The following RIN2 variants were observed in gnomAD, a reference collection of about 807,000 sequenced individuals.
RIN2 encodes the protein Ras and Rab interactor 2.
In RIN2, 36 loss-of-function variants were observed where a neutral mutation model predicts 78.0. That is an observed-to-expected ratio of 0.46 (90% CI 0.35 to 0.61). The LOEUF is 0.61. RIN2 is among the 20% of genes least tolerant of loss of function. The pLI, the probability that RIN2 is intolerant of heterozygous loss-of-function variation, is 0.00. For missense variants in RIN2, 1,087 were observed against 1,159.7 expected (o/e 0.94, Z 0.91); for synonymous variants, 466 against 466.8 (o/e 1.00, Z 0.02).
chr20:19,935,357 A>G (rs2040596911), intron 4 of RIN2, 158 bp downstream of exon 4: 1 of 1,283,582 alleles, frequency 7.8e-7, no homozygotes, highest in South Asian at 2.0e-5. Context: ...GGAGTGGCCT[A>G]GGAACTAGTT....
At chr20:19,940,066 G>A (rs914361602) in intron 4 of RIN2, among the ~76,000 whole-genome samples, 1 of 152,098 alleles carries the variant, frequency 6.6e-6, no homozygotes, top group African/African-American at 2.4e-5. Context: ...TGCCCAGGCT[G>A]GTCTTTAACT....
chr20:19,793,530 G>A (rs747166581), intron 1 of RIN2, among the ~76,000 whole-genome samples: 2 of 152,178 alleles, frequency 1.3e-5, no homozygotes, highest in African/African-American at 4.8e-5. Context: ...AAGGAAAAAG[G>A]GAGGGAGAAA....
chr20:19,833,713 C>T (rs2036320343), intron 2 of RIN2, among the ~76,000 whole-genome samples: 1 of 152,210 alleles, frequency 6.6e-6, no homozygotes, highest in Admixed American at 6.5e-5. Context: ...GCTGGTGCCC[C>T]ACCGTGTTAG....
At chr20:19,921,474 C>T (rs959424887) in intron 3 of RIN2, among the ~76,000 whole-genome samples, 2 of 152,114 alleles carry the variant, frequency 1.3e-5, no homozygotes, top group African/African-American at 4.8e-5. Context: ...AAGAGGAAGG[C>T]GGAGAGGGAA....
intron 3 of RIN2, among the ~76,000 whole-genome samples, chr20:19,933,894 C>T (rs1453411190): frequency 6.6e-6 from 1 of 152,138 alleles, no homozygotes; most frequent in Non-Finnish European, 1.5e-5. Flanking sequence ...CTGCAACCTC[C>T]ATCTCCTGGG....
chr20:19,952,946 A>G (rs1416815342), intron 4 of RIN2, among the ~76,000 whole-genome samples: 1 of 152,166 alleles, frequency 6.6e-6, no homozygotes, highest in Non-Finnish European at 1.5e-5. Flanking sequence ...TTGTCCTCAG[A>G]TTGGTCACTG....
At chr20:19,803,441 A>G (rs2035309630) in intron 2 of RIN2, among the ~76,000 whole-genome samples, 1 of 152,210 alleles carries the variant, frequency 6.6e-6, no homozygotes, top group East Asian at 1.9e-4. Context: ...AAGACCACAC[A>G]TCTACAAACA....
intron 1 of RIN2, among the ~76,000 whole-genome samples, chr20:19,796,294 C>T (rs2035053190): frequency 6.6e-6 from 1 of 152,128 alleles, no homozygotes; most frequent in African/African-American, 2.4e-5. Flanking sequence ...TGTCTGAAAT[C>T]CAGTATGTTT....
chr20:19,758,880 A>C (rs1057213297), intron 1 of RIN2, among the ~76,000 whole-genome samples: 75 of 152,096 alleles, frequency 4.9e-4, no homozygotes, highest in Non-Finnish European at 1.5e-4. Flanking sequence ...CTCCGACCGG[A>C]GATTTCCTCC....
In RIN2 at chr20:19,903,676, C is replaced by T. The variant is rs6046442; in HGVS notation, c.57+14018C>T. On this transcript the variant is annotated intron_variant, in intron 3 of 12. Transcript: ENST00000255006. ...CCTCCAATGACCAGGACAGCCCCCA[C>T]GACAAAGAATTATCTAGCCCCAAAT... 8.8e-4 allele frequency among the ~76,000 whole-genome samples: 134 copies of T among 152,202 alleles called. 1 individual carries two copies. Among genetic ancestry groups the T allele is most frequent in the African/African-American group, 3.1e-3 (130 of 41,534 alleles).
intron 11 of RIN2, among the ~76,000 whole-genome samples, chr20:19,995,691 G>T (rs147546400): frequency 6.6e-4 from 101 of 152,238 alleles, no homozygotes; most frequent in African/African-American, 2.3e-3. Context: ...AAGGAAGGGG[G>T]GGGTAAGAAA....
intron 2 of RIN2, among the ~76,000 whole-genome samples, chr20:19,880,017 G>T (rs2037972062): frequency 6.6e-6 from 1 of 152,188 alleles, no homozygotes; most frequent in African/African-American, 2.4e-5. Flanking sequence ...GGGAGGCCAA[G>T]GCGGTCGGAT....
chr20:19,881,225 T>A (rs2038018929), intron 2 of RIN2, among the ~76,000 whole-genome samples: 1 of 152,242 alleles, frequency 6.6e-6, no homozygotes, highest in South Asian at 2.1e-4. Flanking sequence ...TTTCCAAGTC[T>A]GTTGATGTCA....
intron 3 of RIN2, among the ~76,000 whole-genome samples, chr20:19,931,725 T>C (rs746554011): frequency 3.1e-5 from 4 of 129,384 alleles, no homozygotes; most frequent in Non-Finnish European, 6.7e-5. Flanking sequence ...TTTTTTTTTT[T>C]CTGCTTTCAA....
intron 2 of RIN2, among the ~76,000 whole-genome samples, chr20:19,876,635 T>G (rs1409465024): frequency 6.6e-6 from 1 of 152,216 alleles, no homozygotes; most frequent in African/African-American, 2.4e-5. Context: ...CTGGGTGCTG[T>G]GGCTCACGCC....
chr20:19,864,172 C>G (rs550442941), intron 2 of RIN2, among the ~76,000 whole-genome samples: 6 of 151,726 alleles, frequency 4.0e-5, no homozygotes, highest in African/African-American at 1.5e-4. Context: ...TTGCAAGAGG[C>G]GGGAGAAGTT....
At chr20:19,823,745 T>G (rs1448583553) in intron 2 of RIN2, 6 of 1,592,256 alleles carry the variant, frequency 3.8e-6, no homozygotes, top group Non-Finnish European at 4.3e-6. Flanking sequence ...TGGGCCTGTC[T>G]GTTCTGAATG....
intron 6 of RIN2, among the ~76,000 whole-genome samples, chr20:19,964,551 G>A (rs534688233): frequency 1.4e-4 from 21 of 152,124 alleles, no homozygotes; most frequent in Non-Finnish European, 2.2e-4. Context: ...AGGGAAGTGT[G>A]TGTCCTAGGA....
chr20:19,762,199 A>G (rs6112561), intron 1 of RIN2, among the ~76,000 whole-genome samples: 2,223 of 152,324 alleles, frequency 0.015, 61 homozygotes, highest in African/African-American at 0.051. Context: ...ACAAGCAACC[A>G]TTGTTTGAAA....
Sources: gnomAD v4.1 joint callset for allele counts (sites outside exome capture counted in the v4.1 genomes callset) on GRCh38, gnomAD v4.1.1 for gene constraint, MANE v1.5 for transcripts, NCBI Gene and HGNC (gene_info 2026-07-23, HGNC 2026-07-21) for gene names.